The following RNPC3 variants were observed in gnomAD, a reference collection of about 807,000 sequenced individuals.
The protein encoded by RNPC3 is RNA binding region (RNP1, RRM) containing 3.
RNPC3 carries 48 observed loss-of-function variants against 67.5 expected under a neutral mutation model. That is an observed-to-expected ratio of 0.71 (90% CI 0.56 to 0.90). The LOEUF is 0.90. Ranked by LOEUF, RNPC3 falls within the 40% of genes least tolerant of loss-of-function variation. The probability of loss-of-function intolerance (pLI) is 0.00; values close to 1 mark genes in which losing one functional copy is unlikely to be tolerated. For missense variants in RNPC3, 637 were observed against 626.1 expected (o/e 1.02, Z -0.19); for synonymous variants, 239 against 210.3 (o/e 1.14, Z -1.18).
chr1:103,532,737 C>A (rs12139400), intron 2 of RNPC3, among the ~76,000 whole-genome samples: 102,340 of 151,812 alleles, frequency 0.67, 35,585 homozygotes, highest in African/African-American at 0.84. Flanking sequence ...GACATGTATC[C>A]AGGAAGGAGT....
intron 2 of RNPC3, among the ~76,000 whole-genome samples, chr1:103,528,119 C>G (rs1403680978): frequency 6.6e-6 from 1 of 152,156 alleles, no homozygotes; most frequent in African/African-American, 2.4e-5. Context: ...TGGATTTTTT[C>G]AGAAGGAAAC....
chr1:103,546,382 A>AAT, intron 11 of RNPC3, 40 bp downstream of exon 11: 1 of 1,077,236 alleles, frequency 9.3e-7, no homozygotes, highest in Non-Finnish European at 1.3e-6. Context: ...AATGAAAATA[A>AAT]TTTGAAGGTT....
chr1:103,536,774 G>GTT (rs375372037), intron 6 of RNPC3, among the ~76,000 whole-genome samples: 11 of 147,246 alleles, frequency 7.5e-5, no homozygotes, highest in Admixed American at 1.4e-4. Flanking sequence ...TTTAGGATTT[G>GTT]TTTTTTTTTT....
intron 5 of RNPC3, 108 bp downstream of exon 5, chr1:103,535,549 A>G: frequency 1.6e-6 from 1 of 635,390 alleles, no homozygotes; most frequent in Admixed American, 3.2e-5. Context: ...ACAGCCAGTG[A>G]TACAGTATTT....
Position 103,536,175 on chromosome 1 carries a change from T to G in RNPC3, c.605T>G (p.Ile202Ser). 1 of 1,536,050 alleles carries G rather than the reference T, an allele frequency of 6.5e-7. No individual in the cohort carries two copies. Among genetic ancestry groups the G allele is most frequent in the Non-Finnish European group, 8.7e-7 (1 of 1,145,982 alleles). ...KMNLPTPFGP[I>S]TARPPMYEDY... The stretch of plus-strand genomic sequence containing the variant: ...AATTTGCCCACACCTTTTGGACCAA[T>G]TACTGCGCGACCTCCCATGGTAAGA... Residue 202 changes from isoleucine to serine, a missense_variant, in exon 6 of 15, where the codon ATT (isoleucine) becomes AGT (serine). By Grantham distance (142) the Ile-to-Ser change is moderately radical. Around this residue, in one of 3 missense-constraint regions of RNPC3, gnomAD observed 536 missense variants for 500.3 expected, o/e 1.07. Coordinates refer to ENST00000423855, the MANE Select transcript of RNPC3 (RefSeq NM_017619.4).
At chr1:103,554,246 T>G (rs1651476833) in intron 14 of RNPC3, 1 of 152,240 alleles carries the variant, frequency 6.6e-6, no homozygotes, top group Non-Finnish European at 1.5e-5. Context: ...CTCAGCTACT[T>G]GGGATGCTAA....
At chr1:103,538,641 T>G (rs1651051327) in intron 7 of RNPC3, among the ~76,000 whole-genome samples, 1 of 152,218 alleles carries the variant, frequency 6.6e-6, no homozygotes. Context: ...GGACAGTGAT[T>G]TAGTGTTTAT....
At chr1:103,548,458 A>C (rs190266439) in intron 12 of RNPC3, among the ~76,000 whole-genome samples, 148 of 152,324 alleles carry the variant, frequency 9.7e-4, no homozygotes, top group Non-Finnish European at 1.1e-3. Flanking sequence ...GCAAAATGCC[A>C]CCAGTCTCTT....
chr1:103,544,236 C>T (rs1040305884), intron 9 of RNPC3, among the ~76,000 whole-genome samples: 4 of 151,678 alleles, frequency 2.6e-5, no homozygotes, highest in Non-Finnish European at 5.9e-5. Context: ...GAACACATTT[C>T]ACTCTTATTT....
At chr1:103,537,744 C>G (rs1164258776) in intron 7 of RNPC3, among the ~76,000 whole-genome samples, 2 of 151,954 alleles carry the variant, frequency 1.3e-5, no homozygotes, top group Non-Finnish European at 2.9e-5. Context: ...TACGTTCGAG[C>G]CTTGTTATTT....
chr1:103,537,360 T>C lies in RNPC3; in HGVS notation c.643T>C (p.Leu215=). The part of the protein sequence containing the change: ...RPPMYEDYMP[L]HAPLPPTSPQ... ...TAATTAGTATGAAGACTATATGCCA[T>C]TGCATGCACCTCTTCCACCCACATC... is the stretch of plus-strand genomic sequence containing the variant. Residue 215 remains leucine, a synonymous_variant, in exon 7 of 15, where the codon TTG becomes CTG. Transcript: ENST00000423855. 4 of 1,535,204 alleles carry C rather than the reference T, an allele frequency of 2.6e-6. No homozygotes were observed. The highest frequency in any genetic ancestry group is 3.5e-6 in the Non-Finnish European group (4 of 1,146,310).
intron 1 of RNPC3, among the ~76,000 whole-genome samples, chr1:103,526,662 A>G (rs949825559): frequency 3.3e-5 from 5 of 152,210 alleles, no homozygotes; most frequent in Non-Finnish European, 7.3e-5. Context: ...CCAATGTTAA[A>G]TCGTTCATTA....
chr1:103,535,756 G>A (rs1342937667), intron 5 of RNPC3, among the ~76,000 whole-genome samples: 1 of 151,984 alleles, frequency 6.6e-6, no homozygotes, highest in Non-Finnish European at 1.5e-5. Context: ...AAAAATATTG[G>A]CAGTAATAAC....
chr1:103,531,536 A>G (rs1332008409), intron 2 of RNPC3, among the ~76,000 whole-genome samples: 1 of 152,154 alleles, frequency 6.6e-6, no homozygotes. Flanking sequence ...CATTATGACC[A>G]TTATTGCAGG....
chr1:103,537,411 T>G lies in RNPC3; in HGVS notation c.694T>G (p.Leu232Val). 1.3e-6 allele frequency: 2 copies of G among 1,536,112 alleles called. No homozygotes were observed. Among genetic ancestry groups the G allele is most frequent in the Non-Finnish European group, 1.7e-6 (2 of 1,146,172 alleles). ...TCCTCAGCCACCTGAGGAACCTCCT[T>G]TGCCAGACGAGGATGAGGAATTATC... ...TSPQPPEEPP[L>V]PDEDEELSSE... The change falls in exon 7 of 15, where the codon TTG becomes GTG. Residue 232 changes from leucine (L) to valine (V), a missense_variant. Leu to Val is a conservative substitution (Grantham distance 32). This residue lies in a region of RNPC3 where 536 missense variants were observed against 500.3 expected (regional missense o/e 1.07). Transcript: ENST00000423855.
rs1223671842 is a variant in RNPC3 at position 103,533,809 on chromosome 1, A to G, written c.311A>G (p.Asp104Gly). ...GTCGTTGAATTTGCAAAAGAGCAAG[A>G]TCGAGTTCACTCCCCATGTCCCACT... is the stretch of plus-strand genomic sequence containing the variant. ...TLVVEFAKEQ[D>G]RVHSPCPTSG... The change falls in exon 3 of 15, where the codon GAT becomes GGT. Residue 104 changes from aspartate to glycine, a missense_variant. Coordinates refer to ENST00000423855, the MANE Select transcript of RNPC3 (RefSeq NM_017619.4). The G allele has an allele frequency of 1.8e-5, 27 of 1,534,838 alleles. No homozygotes were observed. Among genetic ancestry groups the G allele is most frequent in the Non-Finnish European group, 2.1e-5 (24 of 1,145,050 alleles).
chr1:103,541,224 T>G, intron 7 of RNPC3, 126 bp from the exon 8 acceptor site: 1 of 611,962 alleles, frequency 1.6e-6, no homozygotes, highest in East Asian at 3.6e-5. Flanking sequence ...ATATATTTGA[T>G]GTAAGTAAAT....
intron 8 of RNPC3, among the ~76,000 whole-genome samples, chr1:103,542,292 A>T (rs1252100010): frequency 1.3e-5 from 2 of 152,032 alleles, no homozygotes; most frequent in African/African-American, 2.4e-5. Context: ...GGGAGACAAA[A>T]ATTAGGCAGG....
At chr1:103,544,260 A>G (rs940812754) in intron 9 of RNPC3, among the ~76,000 whole-genome samples, 13 of 151,762 alleles carry the variant, frequency 8.6e-5, no homozygotes, top group Non-Finnish European at 1.9e-4. Context: ...AAATGAACAT[A>G]ATGTTTTGAC....
Sources: gnomAD v4.1 joint callset for allele counts (sites outside exome capture counted in the v4.1 genomes callset) on GRCh38, gnomAD v4.1.1 for gene constraint, gnomAD v4.1.1 regional missense constraint, MANE v1.5 for transcripts, NCBI Gene and HGNC (gene_info 2026-07-23, HGNC 2026-07-21) for gene names.